The following SLC4A10 variants were observed in gnomAD, a reference collection of about 807,000 sequenced individuals.
SLC4A10 encodes sodium-driven chloride bicarbonate exchanger.
SLC4A10 carries 42 observed loss-of-function variants against 137.7 expected under a neutral mutation model. That is an observed-to-expected ratio of 0.30 (90% CI 0.24 to 0.39). The LOEUF is 0.39. SLC4A10 is among the 10% of genes least tolerant of loss of function. The probability of loss-of-function intolerance (pLI) is 1.00; values close to 1 mark genes in which losing one functional copy is unlikely to be tolerated. For missense variants in SLC4A10, 925 were observed against 1,355.0 expected (o/e 0.68, Z 4.98); for synonymous variants, 474 against 464.1 (o/e 1.02, Z -0.27).
intron 1 of SLC4A10, among the ~76,000 whole-genome samples, chr2:161,644,045 C>G (rs964479331): frequency 3.4e-5 from 5 of 146,734 alleles, no homozygotes; most frequent in Non-Finnish European, 7.5e-5. Context: ...TACAAAGTCA[C>G]TTCTTTCCTT....
At chr2:161,709,939 C>T (rs2125054855) in intron 1 of SLC4A10, 1 of 151,574 alleles carries the variant, frequency 6.6e-6, no homozygotes, top group South Asian at 2.1e-4. Context: ...CAGCAGTTCT[C>T]AACAGCAAGA....
chr2:161,808,752 T>C (rs1025035079), intron 3 of SLC4A10, among the ~76,000 whole-genome samples: 2 of 152,114 alleles, frequency 1.3e-5, no homozygotes, highest in African/African-American at 4.8e-5. Context: ...ATGATGTCAT[T>C]CTTTTTATGG....
chr2:161,679,671 T>C (rs1436099881), intron 1 of SLC4A10, among the ~76,000 whole-genome samples: 1 of 144,166 alleles, frequency 6.9e-6, no homozygotes, highest in East Asian at 2.0e-4. Flanking sequence ...TTTTTTAACC[T>C]CAATTGTAGG....
At chr2:161,680,575 G>A (rs1050720771) in intron 1 of SLC4A10, among the ~76,000 whole-genome samples, 1 of 152,012 alleles carries the variant, frequency 6.6e-6, no homozygotes, top group African/African-American at 2.4e-5. Flanking sequence ...ATCTGATAGA[G>A]AGTTTTAAGC....
At chr2:161,863,744 T>G (rs187146568) in intron 6 of SLC4A10, among the ~76,000 whole-genome samples, 4 of 152,326 alleles carry the variant, frequency 2.6e-5, no homozygotes, top group Non-Finnish European at 4.4e-5. Context: ...CTTTCCTGTA[T>G]TTTTTGTTCT....
At chr2:161,868,650 CAAAT>C in intron 6 of SLC4A10, among the ~76,000 whole-genome samples, 1 of 151,508 alleles carries the variant, frequency 6.6e-6, no homozygotes, top group South Asian at 2.1e-4. Context: ...AGATATCAAA[CAAAT>C]ATTAGAAATT....
intron 3 of SLC4A10, among the ~76,000 whole-genome samples, chr2:161,820,161 A>T (rs1559325264): frequency 6.6e-6 from 1 of 152,246 alleles, no homozygotes; most frequent in African/African-American, 2.4e-5. Flanking sequence ...TGTCAGTCTT[A>T]GGTGGTAAAT....
intron 16 of SLC4A10, among the ~76,000 whole-genome samples, chr2:161,945,535 G>A (rs551390311): frequency 1.3e-5 from 2 of 151,430 alleles, no homozygotes; most frequent in East Asian, 1.9e-4. Context: ...CTCAAAAAAC[G>A]AGAGCAGGAT....
At chr2:161,783,732 T>C (rs2053312800) in intron 2 of SLC4A10, among the ~76,000 whole-genome samples, 1 of 151,520 alleles carries the variant, frequency 6.6e-6, no homozygotes, top group Admixed American at 6.6e-5. Flanking sequence ...AGGTATTATA[T>C]AAACCCCATG....
chr2:161,674,680 T>C (rs2040095929), intron 1 of SLC4A10, among the ~76,000 whole-genome samples: 1 of 152,298 alleles, frequency 6.6e-6, no homozygotes, highest in Non-Finnish European at 1.5e-5. Flanking sequence ...GCATGGTCTG[T>C]TTATATATAC....
intron 1 of SLC4A10, among the ~76,000 whole-genome samples, chr2:161,758,172 G>T (rs890225923): frequency 4.0e-5 from 6 of 151,796 alleles, no homozygotes; most frequent in African/African-American, 1.2e-4. Flanking sequence ...TAAATTACAT[G>T]TATACTAATA....
chr2:161,650,186 T>C (rs1443934227), intron 1 of SLC4A10, among the ~76,000 whole-genome samples: 1 of 151,984 alleles, frequency 6.6e-6, no homozygotes, highest in Non-Finnish European at 1.5e-5. Flanking sequence ...ATGATCTTGA[T>C]ACTTTTGAAT....
chr2:161,949,249 A>G lies in SLC4A10; in HGVS notation c.2367A>G (p.Pro789=). ...IGIPSPKLQV[P]SVFKPTRDDR... ...TCCCATCTCCAAAACTACAAGTACCAAGTGTTTTCAAGGTACTTACTATCT... is the reference window on the plus strand; with the variant it reads ...TCCCATCTCCAAAACTACAAGTACCGAGTGTTTTCAAGGTACTTACTATCT... The change falls in exon 18 of 27, where the codon CCA becomes CCG. Residue 789 remains proline, a synonymous_variant. Coordinates refer to ENST00000446997, the MANE Select transcript of SLC4A10 (RefSeq NM_001178015.2). 1.9e-6 allele frequency: 3 copies of G among 1,602,476 alleles called. No individual in the cohort carries two copies. The highest frequency in any genetic ancestry group is 2.6e-6 in the Non-Finnish European group (3 of 1,170,288).
At chr2:161,867,434 T>C (rs1483060510) in intron 6 of SLC4A10, among the ~76,000 whole-genome samples, 3 of 151,976 alleles carry the variant, frequency 2.0e-5, no homozygotes, top group African/African-American at 7.2e-5. Flanking sequence ...GAAAGAAAAC[T>C]TATTAAAAGA....
intron 6 of SLC4A10, among the ~76,000 whole-genome samples, chr2:161,870,469 T>C (rs189504282): frequency 4.3e-4 from 66 of 151,894 alleles, no homozygotes; most frequent in Admixed American, 4.2e-3. Flanking sequence ...AAAGCAGATA[T>C]GTGTTTATTT....
At chr2:161,790,563 G>C (rs1034809102) in intron 2 of SLC4A10, among the ~76,000 whole-genome samples, 1 of 152,108 alleles carries the variant, frequency 6.6e-6, no homozygotes, top group Non-Finnish European at 1.5e-5. Context: ...TGAAATTGTA[G>C]GTTTTGCCTG....
intron 1 of SLC4A10, among the ~76,000 whole-genome samples, chr2:161,675,405 T>G (rs1437055526): frequency 3.9e-5 from 6 of 152,204 alleles, no homozygotes; most frequent in African/African-American, 1.4e-4. Flanking sequence ...CAAGGTTTCC[T>G]ACGATCCATG....
At chr2:161,699,439 C>T (rs970586842) in intron 1 of SLC4A10, among the ~76,000 whole-genome samples, 1 of 152,136 alleles carries the variant, frequency 6.6e-6, no homozygotes, top group Non-Finnish European at 1.5e-5. Context: ...GAAATAGCCA[C>T]CCCGGCATAG....
chr2:161,750,558 G>T (rs77841832), intron 1 of SLC4A10, among the ~76,000 whole-genome samples: 8 of 151,542 alleles, frequency 5.3e-5, no homozygotes, highest in Non-Finnish European at 1.0e-4. Context: ...TATTCCTGCC[G>T]CTAATTTCTG....
Sources: gnomAD v4.1 joint callset for allele counts (sites outside exome capture counted in the v4.1 genomes callset) on GRCh38, gnomAD v4.1.1 for gene constraint, MANE v1.5 for transcripts, NCBI Gene and HGNC (gene_info 2026-07-23, HGNC 2026-07-21) for gene names.